The following MYRIP variants were observed in gnomAD, a reference collection of about 807,000 sequenced individuals.
MYRIP encodes the protein myosin VIIA and Rab interacting protein.
MYRIP carries 49 observed loss-of-function variants against 98.0 expected under a neutral mutation model. That is an observed-to-expected ratio of 0.50 (90% confidence interval 0.40 to 0.63). The LOEUF (loss-of-function observed/expected upper bound fraction) is 0.63, where lower values mean the gene tolerates loss of function less well. Ranked by LOEUF, MYRIP falls within the 30% of genes least tolerant of loss-of-function variation. The pLI, the probability that MYRIP is intolerant of heterozygous loss-of-function variation, is 0.00. For missense variants in MYRIP, 1,004 were observed against 1,058.2 expected (o/e 0.95, Z 0.71); for synonymous variants, 404 against 409.5 (o/e 0.99, Z 0.16).
chr3:40,017,890 T>C (rs1946903166), intron 2 of MYRIP, among the ~76,000 whole-genome samples: 1 of 152,200 alleles, frequency 6.6e-6, no homozygotes, highest in Non-Finnish European at 1.5e-5. Context: ...TTTCACTATT[T>C]AGCCTAATGA....
At chr3:39,996,874 G>A (rs1169321124) in intron 2 of MYRIP, among the ~76,000 whole-genome samples, 1 of 152,182 alleles carries the variant, frequency 6.6e-6, no homozygotes, top group African/African-American at 2.4e-5. Context: ...TCAGGATTAA[G>A]AAACTCACTC....
chr3:40,029,699 A>C (rs1460584261), intron 2 of MYRIP, among the ~76,000 whole-genome samples: 1 of 152,170 alleles, frequency 6.6e-6, no homozygotes, highest in Non-Finnish European at 1.5e-5. Context: ...GTATCTGATA[A>C]GGGACTTGTA....
intron 3 of MYRIP, among the ~76,000 whole-genome samples, chr3:40,149,836 G>A (rs1388185111): frequency 6.6e-6 from 1 of 152,068 alleles, no homozygotes; most frequent in East Asian, 1.9e-4. Context: ...TGTATAGATT[G>A]TTTTTTACCT....
chr3:39,912,736 T>A (rs1262688975), intron 2 of MYRIP, among the ~76,000 whole-genome samples: 1 of 152,184 alleles, frequency 6.6e-6, no homozygotes, highest in African/African-American at 2.4e-5. Flanking sequence ...TTGACTGTAA[T>A]ATCAACTAAA....
At chr3:40,247,910 C>G (rs1477784940) in intron 13 of MYRIP, among the ~76,000 whole-genome samples, 1 of 152,244 alleles carries the variant, frequency 6.6e-6, no homozygotes, top group African/African-American at 2.4e-5. Flanking sequence ...GCCTAGGTGT[C>G]CTTAACTTGC....
At chr3:40,147,207 T>C (rs1011326834) in intron 3 of MYRIP, among the ~76,000 whole-genome samples, 3 of 152,198 alleles carry the variant, frequency 2.0e-5, no homozygotes, top group Non-Finnish European at 2.9e-5. Flanking sequence ...ACTTTTATTA[T>C]ATGCTGGCGA....
intron 2 of MYRIP, among the ~76,000 whole-genome samples, chr3:39,987,142 T>A (rs1328492569): frequency 6.6e-6 from 1 of 152,160 alleles, no homozygotes; most frequent in Non-Finnish European, 1.5e-5. Flanking sequence ...TTTGTCCTAA[T>A]GCTCTCCCTC....
At chr3:40,193,484 C>T (rs1037252470) in intron 10 of MYRIP, among the ~76,000 whole-genome samples, 2 of 152,018 alleles carry the variant, frequency 1.3e-5, no homozygotes, top group African/African-American at 2.4e-5. Context: ...AGCAGTACTG[C>T]GGATAATAGG....
intron 2 of MYRIP, among the ~76,000 whole-genome samples, chr3:39,926,714 A>G (rs1021962733): frequency 6.6e-6 from 1 of 152,022 alleles, no homozygotes; most frequent in Non-Finnish European, 1.5e-5. Context: ...TTGTACCACT[A>G]CTGTGCTGTT....
intron 1 of MYRIP, among the ~76,000 whole-genome samples, chr3:39,870,163 G>A (rs894002729): frequency 2.6e-5 from 4 of 152,156 alleles, no homozygotes; most frequent in Non-Finnish European, 4.4e-5. Flanking sequence ...GCCTAATACT[G>A]CAAGCCAGGA....
At chr3:40,041,217 A>G (rs1051823496) in intron 2 of MYRIP, among the ~76,000 whole-genome samples, 2 of 129,646 alleles carry the variant, frequency 1.5e-5, no homozygotes, top group Admixed American at 8.2e-5. Context: ...CATGACAGTA[A>G]TAACTGGGAC....
rs182710587 is a variant in MYRIP at position 40,051,904 on chromosome 3, G to C, written c.332+7633G>C. Among the ~76,000 whole-genome samples, 254 of 151,786 alleles carry C rather than the reference G, an allele frequency of 1.7e-3. 1 individual carries two copies. Among genetic ancestry groups the C allele is most frequent in the Non-Finnish European group, 2.3e-3 (159 of 67,910 alleles). On this transcript the variant is annotated intron_variant, in intron 3 of 16. Transcript: ENST00000302541. Reference sequence around the variant, plus strand: ...TTTTATTTATTTATTTATTTTTATTGATATATCTTAGTTGTATGTATTTTG... The same window carrying C: ...TTTTATTTATTTATTTATTTTTATTCATATATCTTAGTTGTATGTATTTTG...
At chr3:39,866,153 A>G (rs1444285184) in intron 1 of MYRIP, among the ~76,000 whole-genome samples, 1 of 152,106 alleles carries the variant, frequency 6.6e-6, no homozygotes, top group Non-Finnish European at 1.5e-5. Flanking sequence ...GATGGGAATA[A>G]CAGACACTGG....
chr3:40,038,784 T>C lies in MYRIP; in HGVS notation c.111-5266T>C, dbSNP rs75624163. On this transcript the variant is annotated intron_variant, in intron 2 of 16. Coordinates refer to ENST00000302541, the MANE Select transcript of MYRIP (RefSeq NM_015460.4). ...AGAAAGGTAATTCTCATGGTCTTCC[T>C]TCTTGCTTACCTGTGTCCTGATTCA... 3.3e-3 allele frequency among the ~76,000 whole-genome samples: 495 copies of C among 152,296 alleles called. 3 individuals carry two copies. Among genetic ancestry groups the C allele is most frequent in the African/African-American group, 0.012 (486 of 41,568 alleles).
intron 1 of MYRIP, among the ~76,000 whole-genome samples, chr3:39,878,905 A>G (rs2125642020): frequency 6.6e-6 from 1 of 151,108 alleles, no homozygotes; most frequent in East Asian, 1.9e-4. Flanking sequence ...AAATACAAAA[A>G]AAAAAAAAAA....
intron 10 of MYRIP, among the ~76,000 whole-genome samples, chr3:40,200,550 C>A (rs2125645605): frequency 6.6e-6 from 1 of 152,184 alleles, no homozygotes; most frequent in Non-Finnish European, 1.5e-5. Flanking sequence ...TTTATTGTAG[C>A]AATAGTTAAA....
chr3:40,129,720 G>A (rs112636939), intron 3 of MYRIP, among the ~76,000 whole-genome samples: 3 of 152,142 alleles, frequency 2.0e-5, no homozygotes, highest in African/African-American at 7.2e-5. Context: ...TACTGTGTTG[G>A]GGAGGAAGGC....
intron 1 of MYRIP, among the ~76,000 whole-genome samples, chr3:39,824,484 T>A (rs1246346964): frequency 6.6e-6 from 1 of 152,200 alleles, no homozygotes; most frequent in East Asian, 1.9e-4. Context: ...TTTTGAACCT[T>A]GAACATGGCA....
chr3:40,179,221 C>G (rs1950833420), intron 8 of MYRIP, among the ~76,000 whole-genome samples: 1 of 152,194 alleles, frequency 6.6e-6, no homozygotes, highest in Non-Finnish European at 1.5e-5. Flanking sequence ...TCTTTTTCCA[C>G]CCTGGCTGGA....
Sources: allele counts gnomAD v4.1 joint callset (sites outside exome capture counted in the v4.1 genomes callset), GRCh38; gene constraint gnomAD v4.1.1; transcripts MANE v1.5; gene names NCBI Gene and HGNC (gene_info 2026-07-23, HGNC 2026-07-21).